Variants in BTRC observed in about 807,000 individuals in gnomAD.
BTRC encodes F-box/WD repeat-containing protein 1A.
BTRC carries 42 observed loss-of-function variants against 85.5 expected under a neutral mutation model. The ratio of observed to expected loss-of-function variants is 0.49; its 90% CI spans 0.38 to 0.64. The LOEUF (loss-of-function observed/expected upper bound fraction) is 0.64. Among genes scored for constraint, BTRC ranks in the 30% least tolerant of loss-of-function variants. The pLI, the probability that BTRC is intolerant of heterozygous loss-of-function variation, is 0.00. For synonymous variants in BTRC, 255 were observed against 263.3 expected, an observed-to-expected ratio of 0.97 and a Z score of 0.30; for missense variants, 594 against 743.5, an observed-to-expected ratio of 0.80 and a Z score of 2.34.
intron 2 of BTRC, among the ~76,000 whole-genome samples, chr10:101,435,236 AT>A (rs1359458617): frequency 5.9e-5 from 9 of 152,204 alleles, no homozygotes; most frequent in Admixed American, 5.9e-4. Context: ...ATACAGTGAG[AT>A]ACATGGATCA....
At chr10:101,532,496 G>A (rs529146427) in intron 8 of BTRC, 64 bp downstream of exon 8, 1 of 1,486,164 alleles carries the variant, frequency 6.7e-7, no homozygotes, top group East Asian at 2.3e-5. Flanking sequence ...TCATAGCGCA[G>A]TCTAAAGCAT....
chr10:101,522,505 C>T (rs2062131884), intron 5 of BTRC, among the ~76,000 whole-genome samples: 2 of 131,630 alleles, frequency 1.5e-5, no homozygotes, highest in African/African-American at 5.7e-5. Flanking sequence ...ATTGCAACCT[C>T]TGCCTCCCAG....
intron 2 of BTRC, among the ~76,000 whole-genome samples, chr10:101,438,390 A>C (rs939285955): frequency 8.0e-6 from 1 of 124,302 alleles, no homozygotes; most frequent in Non-Finnish European, 1.6e-5. Context: ...GCGCCACTAC[A>C]CTCCAGCCTG....
intron 1 of BTRC, among the ~76,000 whole-genome samples, chr10:101,391,154 T>C (rs1943227855): frequency 6.6e-6 from 1 of 152,236 alleles, no homozygotes. Context: ...GTGTGGTAAC[T>C]ACCGCTCCTG....
chr10:101,374,778 A>G (rs1942743584), intron 1 of BTRC, among the ~76,000 whole-genome samples: 1 of 103,648 alleles, frequency 9.6e-6, no homozygotes, highest in East Asian at 3.3e-4. Flanking sequence ...AACTTAAAGT[A>G]TAATAAATAA....
chr10:101,453,987 T>C (rs766993113), intron 2 of BTRC, among the ~76,000 whole-genome samples: 35 of 152,202 alleles, frequency 2.3e-4, no homozygotes, highest in Admixed American at 2.0e-4. Flanking sequence ...AGTTAAACTT[T>C]ATTTGCAAAA....
chr10:101,414,856 AAT>A (rs766941175), intron 1 of BTRC, among the ~76,000 whole-genome samples: 1 of 151,782 alleles, frequency 6.6e-6, no homozygotes, highest in African/African-American at 2.4e-5. Flanking sequence ...ACTGCTGTAC[AAT>A]ATGTTTGTGT....
intron 1 of BTRC, among the ~76,000 whole-genome samples, chr10:101,375,609 G>A (rs576466789): frequency 6.6e-6 from 1 of 152,316 alleles, no homozygotes; most frequent in Admixed American, 6.5e-5. Flanking sequence ...CTAGAAACAG[G>A]TAGCAAAGCG....
rs1490680578 is a variant in BTRC, at chr10:101,557,131, T to C, written c.*4008T>C. 4 of 152,200 alleles carry C rather than the reference T, an allele frequency of 2.6e-5. No homozygotes were observed. The highest frequency in any genetic ancestry group is 4.4e-5 in the Non-Finnish European group (3 of 68,046). The allele number at this position is 152,200 out of a possible 1,614,324, so 9.4% of individuals were successfully genotyped here. Reference sequence around the variant, plus strand: ...AGCTTCCCCGAGAGCTTTCAGCTGGTTCACCTCTTTGTTCTCTAGACTCTT... The same window carrying C: ...AGCTTCCCCGAGAGCTTTCAGCTGGCTCACCTCTTTGTTCTCTAGACTCTT... On this transcript the variant is annotated 3_prime_UTR_variant, in exon 15 of 15. Transcript: ENST00000370187.
At chr10:101,532,198 G>A in intron 7 of BTRC, 97 bp from the exon 8 acceptor site, 2 of 1,316,012 alleles carry the variant, frequency 1.5e-6, no homozygotes, top group Non-Finnish European at 2.1e-6. Context: ...ATATCCCATA[G>A]AGTAAAGCAT....
At chr10:101,474,391 TG>T (rs1377076278) in intron 3 of BTRC, among the ~76,000 whole-genome samples, 1 of 152,238 alleles carries the variant, frequency 6.6e-6, no homozygotes, top group Non-Finnish European at 1.5e-5. Flanking sequence ...AAGCCTAAGA[TG>T]TTATTACATC....
Position 101,368,941 on chromosome 10 carries a change from C to T in BTRC, c.48+14713C>T, listed in dbSNP as rs188597877. Among the ~76,000 whole-genome samples, 160 of 152,172 alleles carry T rather than the reference C, an allele frequency of 1.1e-3. No individual in the cohort carries two copies. The East Asian group carries it at 0.021, about 20-fold the overall frequency. On this transcript the variant is annotated intron_variant, in intron 1 of 14. Coordinates refer to ENST00000370187, the MANE Select transcript of BTRC (RefSeq NM_033637.4). Reference sequence around the variant, plus strand: ...GGCTGACGCACGAGAATCGCTTGAACCTGGGAGGCGGAGGTTGCAGTGAGC... The same window carrying T: ...GGCTGACGCACGAGAATCGCTTGAATCTGGGAGGCGGAGGTTGCAGTGAGC...
rs145195999 is a variant in BTRC at position 101,369,688 on chromosome 10, C to G, written c.48+15460C>G. The stretch of plus-strand genomic sequence containing the variant: ...CATCATACTGGACACACCACACACA[C>G]AGGTGCACATTGCACATTTACGTTG... On this transcript the variant is annotated intron_variant, in intron 1 of 14. Transcript: ENST00000370187. Among the ~76,000 whole-genome samples, 493 of 152,298 alleles carry G rather than the reference C, an allele frequency of 3.2e-3. 8 individuals are homozygous for G. Among genetic ancestry groups the G allele is most frequent in the East Asian group, 3.5e-3 (18 of 5,186 alleles).
At chr10:101,470,210 CATTT>C (rs1431499799) in intron 3 of BTRC, among the ~76,000 whole-genome samples, 2 of 151,744 alleles carry the variant, frequency 1.3e-5, no homozygotes, top group Non-Finnish European at 1.5e-5. Context: ...GGATACCATT[CATTT>C]GTCAGATATA....
chr10:101,368,040 A>G (rs1942520404), intron 1 of BTRC, among the ~76,000 whole-genome samples: 1 of 152,210 alleles, frequency 6.6e-6, no homozygotes, highest in African/African-American at 2.4e-5. Flanking sequence ...TGGCCCTGCC[A>G]AGTCTCATGT....
In BTRC at chr10:101,432,253, G is replaced by A. The variant is rs186972820; in HGVS notation, c.156+1801G>A. Reference sequence around the variant, plus strand: ...AGTTGCCCTCCTACCTCAAACTTCCGGGTAGCTGAGACTACAGGCACACGA... The same window carrying A: ...AGTTGCCCTCCTACCTCAAACTTCCAGGTAGCTGAGACTACAGGCACACGA... On this transcript the variant is annotated intron_variant, in intron 2 of 14. Transcript: ENST00000370187. 3.1e-3 allele frequency among the ~76,000 whole-genome samples: 462 copies of A among 151,178 alleles called. 2 individuals are homozygous for A. Among genetic ancestry groups the A allele is most frequent in the African/African-American group, 0.011 (445 of 41,130 alleles).
chr10:101,509,270 T>C (rs1946629207), intron 4 of BTRC, among the ~76,000 whole-genome samples: 1 of 120,488 alleles, frequency 8.3e-6, no homozygotes, highest in African/African-American at 2.8e-5. Context: ...TTTTTTTTTT[T>C]TTGAGACAGA....
At chr10:101,399,969 A>G (rs1393644645) in intron 1 of BTRC, among the ~76,000 whole-genome samples, 1 of 152,214 alleles carries the variant, frequency 6.6e-6, no homozygotes, top group Non-Finnish European at 1.5e-5. Context: ...AGAAAGGAGA[A>G]TTTCTTGTCT....
chr10:101,532,377 G>A lies in BTRC; in HGVS notation c.923G>A (p.Cys308Tyr). ...AGTGAAACAAGCAAAGGAGTTTACT[G>A]TTTACAGTATGATGATCAGAAAATA... ...CRSETSKGVY[C>Y]LQYDDQKIVS... The change falls in exon 8 of 15, where the codon TGT becomes TAT. Residue 308 changes from cysteine to tyrosine, a missense_variant. This residue lies in a region of BTRC where 373 missense variants were observed against 503.6 expected (regional missense o/e 0.74). Transcript: ENST00000370187. 1 of 1,613,784 alleles carries A rather than the reference G, an allele frequency of 6.2e-7. No homozygotes were observed.
Sources: gnomAD v4.1 joint callset for allele counts (sites outside exome capture counted in the v4.1 genomes callset) on GRCh38, gnomAD v4.1.1 for gene constraint, gnomAD v4.1.1 regional missense constraint, MANE v1.5 for transcripts, NCBI Gene and HGNC (gene_info 2026-07-23, HGNC 2026-07-21) for gene names.